The following NLK variants were observed in gnomAD, a reference collection of about 807,000 sequenced individuals.
The protein encoded by NLK is nemo like kinase.
NLK carries 11 observed loss-of-function variants against 59.0 expected under a neutral mutation model. The observed-to-expected ratio is 0.19, with a 90% CI of 0.12 to 0.31. NLK has a LOEUF of 0.31. Ranked by LOEUF, NLK falls within the 10% of genes least tolerant of loss-of-function variation. NLK has a pLI of 1.00. For synonymous variants in NLK, 235 were observed against 235.9 expected (o/e 1.00, Z 0.03); for missense variants, 410 against 661.1 (o/e 0.62, Z 4.16).
chr17:28,189,562 C>G (rs1909239676), intron 8 of NLK, among the ~76,000 whole-genome samples: 1 of 152,120 alleles, frequency 6.6e-6, no homozygotes, highest in Non-Finnish European at 1.5e-5. Context: ...CGTTGAAGTT[C>G]TGTCCTGAAA....
At chr17:28,124,703 C>T (rs570443478) in intron 2 of NLK, among the ~76,000 whole-genome samples, 1 of 152,230 alleles carries the variant, frequency 6.6e-6, no homozygotes, top group South Asian at 2.1e-4. Flanking sequence ...TTGTCAGAGA[C>T]TCAAGTAAAG....
chr17:28,193,066 G>C (rs1025566784), intron 10 of NLK, among the ~76,000 whole-genome samples: 3 of 151,908 alleles, frequency 2.0e-5, no homozygotes, highest in Non-Finnish European at 2.9e-5. Flanking sequence ...TATTGATCAG[G>C]GTCTAATCGG....
intron 3 of NLK, among the ~76,000 whole-genome samples, chr17:28,156,167 G>C (rs1193749533): frequency 6.6e-6 from 1 of 151,892 alleles, no homozygotes; most frequent in Non-Finnish European, 1.5e-5. Context: ...AAATATAAGA[G>C]CCAGTAGTAT....
chr17:28,134,342 A>G (rs1460738003), intron 3 of NLK, among the ~76,000 whole-genome samples: 1 of 152,320 alleles, frequency 6.6e-6, no homozygotes, highest in East Asian at 1.9e-4. Flanking sequence ...TCGAGGCTGT[A>G]GTGAGCTGTG....
chr17:28,137,759 CA>C (rs982512398), intron 3 of NLK, among the ~76,000 whole-genome samples: 3 of 149,892 alleles, frequency 2.0e-5, no homozygotes, highest in Non-Finnish European at 3.0e-5. Flanking sequence ...CTTGAAGCAA[CA>C]AAAAAAAAGT....
At chr17:28,180,045 T>G (rs1395914663) in intron 7 of NLK, among the ~76,000 whole-genome samples, 1 of 152,180 alleles carries the variant, frequency 6.6e-6, no homozygotes, top group Non-Finnish European at 1.5e-5. Context: ...TAGCACTTCG[T>G]CTTTCCTGTG....
At chr17:28,092,546 T>A (rs564962731) in intron 1 of NLK, among the ~76,000 whole-genome samples, 1 of 152,230 alleles carries the variant, frequency 6.6e-6, no homozygotes, top group Non-Finnish European at 1.5e-5. Flanking sequence ...TCTTTTAGGA[T>A]TTATCTTTCC....
At chr17:28,191,330 A>G in intron 9 of NLK, 111 bp downstream of exon 9, 1 of 742,238 alleles carries the variant, frequency 1.3e-6, no homozygotes, top group Non-Finnish European at 2.1e-6. Context: ...CTCTATGTTT[A>G]TTTTACAACC....
chr17:28,047,550 C>G (rs111635577), intron 1 of NLK, among the ~76,000 whole-genome samples: 16 of 152,166 alleles, frequency 1.1e-4, no homozygotes, highest in Middle Eastern at 3.4e-3. Flanking sequence ...TTAATTTTTT[C>G]TTTTCAGAAT....
Position 28,194,834 on chromosome 17 carries a change from G to T in NLK, c.*198G>T. The T allele has an allele frequency of 2.5e-6, 1 of 398,464 alleles. No homozygotes were observed. Among genetic ancestry groups the T allele is most frequent in the Non-Finnish European group, 4.4e-6 (1 of 225,070 alleles). The allele number at this position is 398,464 out of a possible 1,614,324, so 24.7% of individuals were successfully genotyped here. On this transcript the variant is annotated 3_prime_UTR_variant, in exon 11 of 11. Transcript: ENST00000407008. The stretch of plus-strand genomic sequence containing the variant: ...ATCTTGTAAAGTGGTTGTGCTTTTA[G>T]AAGAAAAATATTTTACCCAGAGTTG...
chr17:28,177,126 G>A (rs1908711383), intron 7 of NLK, among the ~76,000 whole-genome samples: 1 of 152,144 alleles, frequency 6.6e-6, no homozygotes, highest in African/African-American at 2.4e-5. Context: ...ATATTGAGTA[G>A]GCTGAGGAGG....
At chr17:28,129,969 A>G (rs11872056) in intron 2 of NLK, among the ~76,000 whole-genome samples, 4,861 of 152,298 alleles carry the variant, frequency 0.032, 231 homozygotes, top group African/African-American at 0.11. Flanking sequence ...TTTGTGACAT[A>G]TGCAGAGACA....
chr17:28,120,753 C>T (rs889827252), intron 1 of NLK, among the ~76,000 whole-genome samples: 2 of 152,172 alleles, frequency 1.3e-5, no homozygotes, highest in Non-Finnish European at 2.9e-5. Context: ...TACTAGAATA[C>T]ATCATTTCAG....
At chr17:28,197,601 G>A (rs1392935834), downstream of NLK, among the ~76,000 whole-genome samples, 1 of 152,088 alleles carries the variant, frequency 6.6e-6, no homozygotes, top group African/African-American at 2.4e-5. Flanking sequence ...TTTGGGAATT[G>A]CAAAACTGTG....
At chr17:28,132,776 A>T in intron 3 of NLK, 101 bp downstream of exon 3, 1 of 958,470 alleles carries the variant, frequency 1.0e-6, no homozygotes, top group Non-Finnish European at 1.6e-6. Flanking sequence ...TTTAAATCTC[A>T]TCCTTGCAGA....
rs1908909231 is a variant in NLK at position 28,042,944 on chromosome 17, C to T, written c.71C>T (p.Ala24Val). The T allele has an allele frequency of 1.3e-6, 2 of 1,551,708 alleles. No homozygotes were observed. Among genetic ancestry groups the T allele is most frequent in the Non-Finnish European group, 1.7e-6 (2 of 1,147,024 alleles). Residue 24 changes from alanine (A) to valine (V), a missense_variant, in exon 1 of 11, where the codon GCA (alanine) becomes GTA (valine). Ala to Val is a moderately conservative substitution (Grantham distance 64). Coordinates refer to ENST00000407008, the MANE Select transcript of NLK (RefSeq NM_016231.5). Reference protein sequence around the residue: ...AAYNGGTSAAAAGHHHHHHHH... With the variant: ...AAYNGGTSAAVAGHHHHHHHH... ...TACAATGGCGGTACATCTGCAGCAGCAGCAGGTCACCACCACCACCATCAC... is the reference window on the plus strand; with the variant it reads ...TACAATGGCGGTACATCTGCAGCAGTAGCAGGTCACCACCACCACCATCAC...
chr17:28,102,607 C>T (rs910324050), intron 1 of NLK, among the ~76,000 whole-genome samples: 2 of 151,544 alleles, frequency 1.3e-5, no homozygotes, highest in South Asian at 2.1e-4. Context: ...CGAGATCACA[C>T]CACTGCACTT....
At chr17:28,137,309 A>C (rs1472207284) in intron 3 of NLK, among the ~76,000 whole-genome samples, 1 of 152,188 alleles carries the variant, frequency 6.6e-6, no homozygotes, top group Non-Finnish European at 1.5e-5. Flanking sequence ...GTATATCGTT[A>C]TACATCTAAT....
intron 2 of NLK, among the ~76,000 whole-genome samples, chr17:28,129,367 C>T (rs1304387183): frequency 6.6e-6 from 1 of 152,078 alleles, no homozygotes; most frequent in African/African-American, 2.4e-5. Context: ...GCAGGAGAAT[C>T]GCTTGAATCC....
Sources: allele counts gnomAD v4.1 joint callset (sites outside exome capture counted in the v4.1 genomes callset), GRCh38; gene constraint gnomAD v4.1.1; transcripts MANE v1.5; gene names NCBI Gene and HGNC (gene_info 2026-07-23, HGNC 2026-07-21).